Variants in HFM1 observed in about 807,000 individuals in gnomAD.
The protein encoded by HFM1 is probable ATP-dependent DNA helicase HFM1.
Under a neutral mutation model 192.1 loss-of-function variants are expected in HFM1, and 169 were observed. That is an observed-to-expected ratio of 0.88 (90% CI 0.78 to 1.00). HFM1 has a LOEUF of 1.00. HFM1 is among the 50% of genes least tolerant of loss of function. HFM1 has a pLI of 0.00. For synonymous variants in HFM1, 525 were observed against 537.8 expected (o/e 0.98, Z 0.33); for missense variants, 1,661 against 1,668.0 (o/e 1.00, Z 0.07).
rs1656937644 is a variant in HFM1, at chr1:91,351,564, T to C, written c.2057A>G (p.Asp686Gly). 1.3e-6 allele frequency: 2 copies of C among 1,575,914 alleles called. No homozygotes were observed. Among genetic ancestry groups the C allele is most frequent in the Non-Finnish European group, 8.7e-7 (1 of 1,153,404 alleles). Reference sequence around the variant, plus strand: ...TTTATACTACCTGCTTTCTACAGTGTCTCTACAAGCTAACATCTGAATGTA... The same window carrying C: ...TTTATACTACCTGCTTTCTACAGTGCCTCTACAAGCTAACATCTGAATGTA... ...DKYIQMLACR[D>G]TVESSLHRHL... The change falls in exon 17 of 39, where the codon GAC (aspartate) becomes GGC (glycine). Residue 686 changes from aspartate (D) to glycine (G), a missense_variant. Asp to Gly is a moderately conservative substitution (Grantham distance 94). Transcript: ENST00000370425.
chr1:91,350,955 C>A, intron 17 of HFM1, 84 bp from the exon 18 acceptor site: 2 of 1,013,856 alleles, frequency 2.0e-6, no homozygotes, highest in African/African-American at 1.7e-5. Context: ...TAGAATATAC[C>A]CATTGCTACT....
intron 34 of HFM1, among the ~76,000 whole-genome samples, chr1:91,272,801 C>T (rs1159558984): frequency 1.3e-5 from 2 of 151,720 alleles, no homozygotes; most frequent in Non-Finnish European, 2.9e-5. Flanking sequence ...GTGAATACTC[C>T]AGCCCTTGAC....
intron 13 of HFM1, 24 bp downstream of exon 13, chr1:91,375,334 C>T: frequency 6.4e-7 from 1 of 1,559,306 alleles, no homozygotes; most frequent in Non-Finnish European, 8.8e-7. Flanking sequence ...CCTTCTACTT[C>T]CATGAAAAAA....
At chr1:91,298,117 C>T (rs1482823026) in intron 30 of HFM1, among the ~76,000 whole-genome samples, 1 of 152,130 alleles carries the variant, frequency 6.6e-6, no homozygotes, top group Non-Finnish European at 1.5e-5. Context: ...CTGAAAACCA[C>T]AGCACAAGAA....
intron 20 of HFM1, among the ~76,000 whole-genome samples, chr1:91,330,275 AAAAG>A (rs375269085): frequency 2.0e-5 from 3 of 152,202 alleles, no homozygotes; most frequent in African/African-American, 7.2e-5. Context: ...AAGAAGAAGA[AAAAG>A]AAAATATCCA....
In HFM1 at chr1:91,315,973, C is replaced by A. The variant is rs1197778466; in HGVS notation, c.2983-1G>T. The A allele has an allele frequency of 6.3e-7, 1 of 1,579,526 alleles. No homozygotes were observed. The highest frequency in any genetic ancestry group is 1.1e-5 in the South Asian group (1 of 89,200). On this transcript the variant is annotated splice_acceptor_variant, in intron 27 of 38. Transcript: ENST00000370425. LOFTEE classifies it high-confidence loss of function. ...CCGTCGTATCACTATATCTTGTAAT[C>A]TTTAAAAAAGGACAAGTATAAAAAG...
intron 11 of HFM1, 88 bp downstream of exon 11, chr1:91,377,937 A>C: frequency 1.6e-6 from 2 of 1,247,046 alleles, no homozygotes; most frequent in Non-Finnish European, 2.3e-6. Context: ...GGAAAGGACA[A>C]AAAAATTCAC....
chr1:91,384,373 A>C (rs192025293), intron 6 of HFM1, among the ~76,000 whole-genome samples: 1 of 152,316 alleles, frequency 6.6e-6, no homozygotes, highest in Admixed American at 6.5e-5. Flanking sequence ...TTAAAGAAGC[A>C]AAAACAATGT....
intron 11 of HFM1, 90 bp downstream of exon 11, chr1:91,377,935 C>A (rs902645297): frequency 4.2e-6 from 5 of 1,189,368 alleles, no homozygotes; most frequent in Non-Finnish European, 6.1e-6. Context: ...AAGGAAAGGA[C>A]AAAAAAATTC....
intron 34 of HFM1, among the ~76,000 whole-genome samples, chr1:91,271,085 T>C (rs1275970458): frequency 6.6e-6 from 1 of 152,116 alleles, no homozygotes; most frequent in Non-Finnish European, 1.5e-5. Flanking sequence ...TTATTCATGG[T>C]GCCCTGCCTT....
At chr1:91,366,766 T>A (rs964746815) in intron 13 of HFM1, among the ~76,000 whole-genome samples, 1 of 152,064 alleles carries the variant, frequency 6.6e-6, no homozygotes, top group Non-Finnish European at 1.5e-5. Flanking sequence ...GAGTGTCAGA[T>A]AGCGGGTGCA....
At chr1:91,321,083 G>T (rs1287169146) in intron 23 of HFM1, among the ~76,000 whole-genome samples, 1 of 152,166 alleles carries the variant, frequency 6.6e-6, no homozygotes, top group African/African-American at 2.4e-5. Context: ...AAAGAAAACA[G>T]AGCTAGTGCT....
intron 13 of HFM1, among the ~76,000 whole-genome samples, chr1:91,355,589 C>CT (rs1339526695): frequency 2.0e-5 from 3 of 152,062 alleles, no homozygotes; most frequent in African/African-American, 7.2e-5. Context: ...GTTAAAATGA[C>CT]TTTAAGTCAA....
At chr1:91,289,739 C>T (rs1194862988) in intron 30 of HFM1, among the ~76,000 whole-genome samples, 1 of 152,142 alleles carries the variant, frequency 6.6e-6, no homozygotes, top group Non-Finnish European at 1.5e-5. Context: ...CGCGCGCCTG[C>T]ATCCCAGGCA....
chr1:91,270,603 T>C, intron 34 of HFM1, among the ~76,000 whole-genome samples: 1 of 151,854 alleles, frequency 6.6e-6, no homozygotes, highest in East Asian at 1.9e-4. Flanking sequence ...AAAGAATCCT[T>C]TTGCAACATC....
chr1:91,340,879 C>G (rs141831891), intron 20 of HFM1, among the ~76,000 whole-genome samples: 96 of 152,208 alleles, frequency 6.3e-4, no homozygotes, highest in Middle Eastern at 3.4e-3. Context: ...AAGTTCAACA[C>G]AACAAAAAGA....
intron 18 of HFM1, among the ~76,000 whole-genome samples, chr1:91,349,550 A>C (rs1656656182): frequency 6.6e-6 from 1 of 152,190 alleles, no homozygotes. Context: ...GCTATGAGGA[A>C]AGATCCACCT....
rs540938719 is a variant in HFM1 at position 91,304,099 on chromosome 1, C to A, written c.3391+9250G>T. On this transcript the variant is annotated intron_variant, in intron 30 of 38. Coordinates refer to ENST00000370425, the MANE Select transcript of HFM1 (RefSeq NM_001017975.6). ...TGAACTCCTGACCTCAAGTGATCTA[C>A]CCGCCTCGGCCTCCCAAAGTGTTGG... Among the ~76,000 whole-genome samples, 195 of 152,262 alleles carry A rather than the reference C, an allele frequency of 1.3e-3. 1 individual carries two copies. The highest frequency in any genetic ancestry group is 2.5e-3 in the South Asian group (12 of 4,822).
intron 25 of HFM1, among the ~76,000 whole-genome samples, chr1:91,318,474 T>C (rs1395121220): frequency 2.0e-5 from 3 of 152,166 alleles, no homozygotes; most frequent in African/African-American, 7.2e-5. Context: ...TAAGAAAGAA[T>C]AGGGTCACAA....
Sources: allele counts gnomAD v4.1 joint callset (sites outside exome capture counted in the v4.1 genomes callset), GRCh38; gene constraint gnomAD v4.1.1; transcripts MANE v1.5; gene names NCBI Gene and HGNC (gene_info 2026-07-23, HGNC 2026-07-21).